Variants in PARD3B observed in about 807,000 individuals in gnomAD.
The protein encoded by PARD3B is partitioning defective 3 homolog B.
A neutral mutation model predicts 130.2 loss-of-function variants in PARD3B; 103 were observed. The ratio of observed to expected loss-of-function variants is 0.79; its 90% CI spans 0.67 to 0.93. The LOEUF (loss-of-function observed/expected upper bound fraction) is 0.93. PARD3B is among the 40% of genes least tolerant of loss of function. The probability of loss-of-function intolerance (pLI) is 0.00; values close to 1 mark genes in which losing one functional copy is unlikely to be tolerated. For missense variants in PARD3B, 1,609 were observed against 1,499.2 expected (o/e 1.07, Z -1.21); for synonymous variants, 583 against 553.2 (o/e 1.05, Z -0.76).
At chr2:205,456,904 G>C (rs1328856354) in intron 20 of PARD3B, among the ~76,000 whole-genome samples, 1 of 149,092 alleles carries the variant, frequency 6.7e-6, no homozygotes, top group East Asian at 1.9e-4. Context: ...ATTTAATATT[G>C]TATTATGAAA....
intron 1 of PARD3B, among the ~76,000 whole-genome samples, chr2:204,618,630 A>G (rs2034192326): frequency 6.6e-6 from 1 of 152,194 alleles, no homozygotes. Flanking sequence ...AATGCTTAGG[A>G]GTAAAATATT....
chr2:204,730,100 G>A (rs1435568253), intron 2 of PARD3B, among the ~76,000 whole-genome samples: 1 of 151,690 alleles, frequency 6.6e-6, no homozygotes, highest in Non-Finnish European at 1.5e-5. Flanking sequence ...GACGGACAGA[G>A]TTTTGCTCTT....
At chr2:205,486,592 G>A (rs1479630038) in intron 20 of PARD3B, among the ~76,000 whole-genome samples, 2 of 152,156 alleles carry the variant, frequency 1.3e-5, no homozygotes, top group Admixed American at 6.5e-5. Flanking sequence ...TACTTAGAGG[G>A]GAAGGCAAAG....
intron 2 of PARD3B, among the ~76,000 whole-genome samples, chr2:204,702,474 G>A (rs371482275): frequency 6.6e-6 from 1 of 151,948 alleles, no homozygotes; most frequent in South Asian, 2.1e-4. Context: ...TTTAATTTGC[G>A]GTTCTCCAGT....
At chr2:204,931,050 TC>T (rs1173922302) in intron 2 of PARD3B, among the ~76,000 whole-genome samples, 2 of 152,118 alleles carry the variant, frequency 1.3e-5, no homozygotes, top group Non-Finnish European at 2.9e-5. Flanking sequence ...TGAAAGCAGT[TC>T]CATTTATTGG....
At chr2:204,744,073 A>G (rs932903505) in intron 2 of PARD3B, among the ~76,000 whole-genome samples, 1 of 152,194 alleles carries the variant, frequency 6.6e-6, no homozygotes, top group African/African-American at 2.4e-5. Context: ...TATCTGTATT[A>G]GATATCTGCT....
intron 2 of PARD3B, among the ~76,000 whole-genome samples, chr2:204,762,442 T>C (rs2040946206): frequency 6.6e-6 from 1 of 152,160 alleles, no homozygotes; most frequent in Non-Finnish European, 1.5e-5. Context: ...AAAGATTTTC[T>C]AAAGCTAGAT....
At position 205,007,382 on chromosome 2, in the gene PARD3B, G is replaced by A. The variant is rs546030208; in HGVS notation, c.395-40199G>A. Among the ~76,000 whole-genome samples the A allele has an allele frequency of 6.6e-5, 10 of 152,300 alleles. No homozygotes were observed. In the South Asian group the frequency reaches 1.2e-3, roughly 19 times the overall value. ...ATTTTTGGATAGGATGAGAGATGGC[G>A]ATCCAGATTCATTCTTCTACATGTG... is the stretch of plus-strand genomic sequence containing the variant. On this transcript the variant is annotated intron_variant, in intron 3 of 22. Transcript: ENST00000406610.
At chr2:205,211,434 T>C (rs1167255497) in intron 15 of PARD3B, among the ~76,000 whole-genome samples, 1 of 152,058 alleles carries the variant, frequency 6.6e-6, no homozygotes. Context: ...TTGAGACATA[T>C]CAGTGACAAC....
intron 22 of PARD3B, among the ~76,000 whole-genome samples, chr2:205,604,369 A>T (rs2054906049): frequency 6.7e-6 from 1 of 149,054 alleles, no homozygotes; most frequent in Non-Finnish European, 1.5e-5. Flanking sequence ...GCAGGCAAAG[A>T]GAGAGAGCTT....
chr2:204,566,696 G>C (rs957026107), intron 1 of PARD3B, among the ~76,000 whole-genome samples: 1 of 152,142 alleles, frequency 6.6e-6, no homozygotes, highest in African/African-American at 2.4e-5. Flanking sequence ...ACAAGGTAAA[G>C]ACAACTTTGT....
chr2:205,354,320 C>G (rs1264646684), intron 18 of PARD3B, among the ~76,000 whole-genome samples: 1 of 151,852 alleles, frequency 6.6e-6, no homozygotes, highest in Non-Finnish European at 1.5e-5. Flanking sequence ...TGGAGCAGGA[C>G]GAGCTGCAGA....
At position 205,341,238 on chromosome 2, in the gene PARD3B, A is replaced by G. The variant is rs1311395533; in HGVS notation, c.2630+39537A>G. Among the ~76,000 whole-genome samples the G allele has an allele frequency of 1.3e-5, 2 of 152,118 alleles. No individual in the cohort carries two copies. Among genetic ancestry groups the G allele is most frequent in the Non-Finnish European group, 2.9e-5 (2 of 68,004 alleles). ...TGCCATGCAATCCAACAATCCCACT[A>G]CTGGGTATTTTTAAAGGAAAGGAGT... On this transcript the variant is annotated intron_variant, in intron 18 of 22. Transcript: ENST00000406610. The surrounding 1 kb of genome is among the most constrained non-coding windows in gnomAD (Gnocchi z 4.3).
chr2:204,732,536 G>T (rs1300372146), intron 2 of PARD3B, among the ~76,000 whole-genome samples: 1 of 144,950 alleles, frequency 6.9e-6, no homozygotes, highest in Non-Finnish European at 1.5e-5. Context: ...ACGGAGTCTC[G>T]CTCTGTCGCC....
rs548386770 is a variant in PARD3B at position 205,420,598 on chromosome 2, G to T, written c.2741+19475G>T. ...GTGGAACTGTCTGGGTGAGGAGGAT[G>T]CTGCCTCCCATGAAGATCTTAAGGC... On this transcript the variant is annotated intron_variant, in intron 19 of 22. Coordinates refer to ENST00000406610, the MANE Select transcript of PARD3B (RefSeq NM_001302769.2). Among the ~76,000 whole-genome samples, 41 of 152,282 alleles carry T rather than the reference G, an allele frequency of 2.7e-4. 1 individual carries two copies. The highest frequency in any genetic ancestry group is 1.4e-3 in the Admixed American group (22 of 15,298).
chr2:205,498,201 A>T (rs1441681788), intron 20 of PARD3B, among the ~76,000 whole-genome samples: 2 of 7,944 alleles, frequency 2.5e-4, no homozygotes, highest in Non-Finnish European at 7.1e-4. Flanking sequence ...CTCTGACTAA[A>T]AAAAAAAAAA....
intron 3 of PARD3B, among the ~76,000 whole-genome samples, chr2:205,010,476 C>T (rs1695626252): frequency 6.6e-6 from 1 of 152,162 alleles, no homozygotes; most frequent in South Asian, 2.1e-4. Context: ...GGTTTAGTCC[C>T]TCATTTTCAT....
chr2:204,588,115 A>G (rs1272027790), intron 1 of PARD3B, among the ~76,000 whole-genome samples: 3 of 152,184 alleles, frequency 2.0e-5, no homozygotes, highest in Non-Finnish European at 4.4e-5. Context: ...AAATGAATAC[A>G]CCATAACAAG....
At chr2:204,935,672 A>G (rs147641110) in intron 2 of PARD3B, among the ~76,000 whole-genome samples, 1,906 of 152,240 alleles carry the variant, frequency 0.013, 24 homozygotes, top group Non-Finnish European at 0.019. Context: ...TGTCAAGTAT[A>G]TCATGTGTAA....
Sources: allele counts gnomAD v4.1 joint callset (sites outside exome capture counted in the v4.1 genomes callset), GRCh38; gene constraint gnomAD v4.1.1; non-coding constraint Gnocchi (gnomAD v3.1); transcripts MANE v1.5; gene names NCBI Gene and HGNC (gene_info 2026-07-23, HGNC 2026-07-21).